Variants in CPEB1 observed in about 807,000 individuals in gnomAD.
CPEB1 encodes the protein cytoplasmic polyadenylation element-binding protein 1.
Under a neutral mutation model 65.8 loss-of-function variants are expected in CPEB1, and 7 were observed. The observed-to-expected ratio is 0.11, with a 90% CI of 0.06 to 0.20. The LOEUF (loss-of-function observed/expected upper bound fraction) is 0.20. Ranked by LOEUF, CPEB1 falls within the 10% of genes least tolerant of loss-of-function variation. The pLI, the probability that CPEB1 is intolerant of heterozygous loss-of-function variation, is 1.00. For missense variants in CPEB1, 551 were observed against 712.2 expected (o/e 0.77, Z 2.58); for synonymous variants, 262 against 260.0 (o/e 1.01, Z -0.08).
intron 3 of CPEB1, among the ~76,000 whole-genome samples, chr15:82,609,039 A>G (rs2151231472): frequency 6.6e-6 from 1 of 152,332 alleles, no homozygotes; most frequent in East Asian, 1.9e-4. Context: ...TAACAGAAGG[A>G]AAACTGGAAA....
At chr15:82,619,104 T>C (rs943761482) in intron 3 of CPEB1, among the ~76,000 whole-genome samples, 4 of 152,120 alleles carry the variant, frequency 2.6e-5, no homozygotes, top group African/African-American at 7.2e-5. Context: ...GACAGATAAA[T>C]AGATCAATGG....
intron 3 of CPEB1, among the ~76,000 whole-genome samples, chr15:82,604,815 C>G (rs1350417047): frequency 1.3e-5 from 2 of 151,950 alleles, no homozygotes; most frequent in African/African-American, 4.8e-5. Flanking sequence ...AGTCCCAAAG[C>G]AGATGAGGGA....
At position 82,543,688 on chromosome 15, in the gene CPEB1, T is replaced by G. The variant is rs2034685648; in HGVS notation, c.*904A>C. Reference sequence around the variant, plus strand: ...ACAAAAGAAAAAAGTCCTGTGACTTTGTGATTAAAAACTTCTATCAACCCC... The same window carrying G: ...ACAAAAGAAAAAAGTCCTGTGACTTGGTGATTAAAAACTTCTATCAACCCC... On this transcript the variant is annotated 3_prime_UTR_variant, in exon 13 of 13. Coordinates refer to ENST00000684509, the MANE Select transcript of CPEB1 (RefSeq NM_001365242.1). 6.6e-6 allele frequency: 1 copy of G among 152,204 alleles called. No individual in the cohort carries two copies. The highest frequency in any genetic ancestry group is 1.5e-5 in the Non-Finnish European group (1 of 68,002). The allele number at this position is 152,204 out of a possible 1,614,324, so 9.4% of individuals were successfully genotyped here. A position where few individuals can be genotyped will look rare whatever the true frequency, so the allele number is the denominator to read the frequency against.
intron 1 of CPEB1, among the ~76,000 whole-genome samples, chr15:82,632,280 C>T (rs1464491350): frequency 1.3e-5 from 2 of 152,012 alleles, no homozygotes; most frequent in Non-Finnish European, 2.9e-5. Flanking sequence ...CTGCGCCCAG[C>T]CAAATTCATT....
At position 82,543,461 on chromosome 15, in the gene CPEB1, T is replaced by TTTAAA. The variant is rs1555451805; in HGVS notation, c.*1130_*1131insTTTAA. 7.6e-6 allele frequency: 1 copy of TTTAAA among 131,972 alleles called. No homozygotes were observed. The highest frequency in any genetic ancestry group is 2.3e-4 in the South Asian group (1 of 4,294). The allele number at this position is 131,972 out of a possible 1,614,324, so 8.2% of individuals were successfully genotyped here. A position where few individuals can be genotyped will look rare whatever the true frequency, so the allele number is the denominator to read the frequency against. ...TTTTTGTGGGTTTTTTGTTTCTTTT[T>TTTAAA]AAAAAAAAAAAAAAAAAAAAAAAGG... is the stretch of plus-strand genomic sequence containing the variant. On this transcript the variant is annotated 3_prime_UTR_variant, in exon 13 of 13. Transcript: ENST00000684509.
At chr15:82,631,371 A>G (rs1021658067) in intron 1 of CPEB1, among the ~76,000 whole-genome samples, 2 of 152,090 alleles carry the variant, frequency 1.3e-5, no homozygotes, top group Non-Finnish European at 2.9e-5. Context: ...TGTATATTCC[A>G]AACTGTTTCA....
chr15:82,571,777 G>A (rs1016905959), intron 3 of CPEB1: 3 of 1,290,204 alleles, frequency 2.3e-6, no homozygotes, highest in African/African-American at 3.0e-5. Context: ...GGGCCAGCAT[G>A]TGATCAGGCT....
In CPEB1 at chr15:82,589,183, C is replaced by G. The variant is rs185897383; in HGVS notation, c.272-17651G>C. ...CTTTACCATTCAACACTTCCCACCC[C>G]CTGGAAAGCCCTGTACCTCTTAAAC... On this transcript the variant is annotated intron_variant, in intron 3 of 12. Coordinates refer to ENST00000684509, the MANE Select transcript of CPEB1 (RefSeq NM_001365242.1). 2.4e-4 allele frequency among the ~76,000 whole-genome samples: 37 copies of G among 152,328 alleles called. No homozygotes were observed. In the East Asian group the frequency reaches 6.2e-3, roughly 25 times the overall value.
At chr15:82,623,407 G>A (rs570904393) in intron 3 of CPEB1, among the ~76,000 whole-genome samples, 2 of 152,348 alleles carry the variant, frequency 1.3e-5, no homozygotes, top group South Asian at 4.1e-4. Flanking sequence ...GCCAGGTGCG[G>A]TGGCTCACGC....
At chr15:82,591,744 A>G (rs540744784) in intron 3 of CPEB1, among the ~76,000 whole-genome samples, 5 of 151,774 alleles carry the variant, frequency 3.3e-5, no homozygotes, top group African/African-American at 1.2e-4. Context: ...AGATTTACCT[A>G]TTCTGGATAT....
At chr15:82,583,506 T>C (rs2041491157) in intron 3 of CPEB1, 1 of 152,232 alleles carries the variant, frequency 6.6e-6, no homozygotes, top group Non-Finnish European at 1.5e-5. Flanking sequence ...GAAGGCAGGG[T>C]ATTTCCATAT....
At chr15:82,626,724 T>C (rs979292905) in intron 3 of CPEB1, among the ~76,000 whole-genome samples, 1 of 152,176 alleles carries the variant, frequency 6.6e-6, no homozygotes, top group Non-Finnish European at 1.5e-5. Context: ...ACACCTGAAA[T>C]GTCCATGTTG....
At chr15:82,573,617 G>A (rs1159568763) in intron 3 of CPEB1, among the ~76,000 whole-genome samples, 2 of 151,874 alleles carry the variant, frequency 1.3e-5, no homozygotes, top group African/African-American at 2.4e-5. Flanking sequence ...TTAAAATCAG[G>A]GTGACTGTGC....
At chr15:82,592,343 T>C (rs1793348421) in intron 3 of CPEB1, among the ~76,000 whole-genome samples, 1 of 151,910 alleles carries the variant, frequency 6.6e-6, no homozygotes, top group African/African-American at 2.4e-5. Context: ...TTCCTAGCAC[T>C]TTGGGAGGCA....
chr15:82,564,703 G>A (rs1011466391), intron 4 of CPEB1, among the ~76,000 whole-genome samples: 4 of 152,114 alleles, frequency 2.6e-5, no homozygotes, highest in African/African-American at 9.7e-5. Flanking sequence ...GTGACTCACC[G>A]CATCACATCT....
intron 11 of CPEB1, among the ~76,000 whole-genome samples, chr15:82,546,917 C>T (rs2035330584): frequency 6.6e-6 from 1 of 152,184 alleles, no homozygotes; most frequent in Non-Finnish European, 1.5e-5. Flanking sequence ...AGGGAAGGCA[C>T]CCTACACACT....
At chr15:82,578,080 C>A (rs183494272) in intron 3 of CPEB1, among the ~76,000 whole-genome samples, 1 of 152,176 alleles carries the variant, frequency 6.6e-6, no homozygotes, top group Admixed American at 6.5e-5. Flanking sequence ...GCGGAGTTTG[C>A]AGTGAGCCGA....
At chr15:82,565,735 T>C (rs1448008162) in intron 4 of CPEB1, among the ~76,000 whole-genome samples, 1 of 152,234 alleles carries the variant, frequency 6.6e-6, no homozygotes, top group East Asian at 1.9e-4. Flanking sequence ...CTGACCTCTT[T>C]GCTCTGTTCT....
intron 8 of CPEB1, 96 bp from the exon 9 acceptor site, chr15:82,552,712 G>A: frequency 7.4e-7 from 1 of 1,343,808 alleles, no homozygotes. Flanking sequence ...AAGAAAGAAG[G>A]TCTTGTGTAT....
Sources: gnomAD v4.1 joint callset for allele counts (sites outside exome capture counted in the v4.1 genomes callset) on GRCh38, gnomAD v4.1.1 for gene constraint, MANE v1.5 for transcripts, NCBI Gene and HGNC (gene_info 2026-07-23, HGNC 2026-07-21) for gene names.